Variants in LOXHD1 observed in about 807,000 individuals in gnomAD.
LOXHD1 encodes lipoxygenase homology domain-containing protein 1.
In LOXHD1, 205 loss-of-function variants were observed where a neutral mutation model predicts 248.2. The ratio of observed to expected loss-of-function variants is 0.83; its 90% CI spans 0.74 to 0.93. The LOEUF (loss-of-function observed/expected upper bound fraction) is 0.93, where lower values mean the gene tolerates loss of function less well. LOXHD1 is among the 40% of genes least tolerant of loss of function. The probability of loss-of-function intolerance (pLI) is 0.00; values close to 1 mark genes in which losing one functional copy is unlikely to be tolerated. For missense variants in LOXHD1, 2,930 were observed against 2,971.6 expected (o/e 0.99, Z 0.33); for synonymous variants, 1,113 against 1,162.8 (o/e 0.96, Z 0.87).
chr18:46,482,070 G>C (rs1427927286), intron 40 of LOXHD1, among the ~76,000 whole-genome samples: 1 of 152,142 alleles, frequency 6.6e-6, no homozygotes, highest in Non-Finnish European at 1.5e-5. Context: ...CACTTTTCTG[G>C]GATAGTCTCC....
intron 38 of LOXHD1, 115 bp from the exon 39 acceptor site, chr18:46,485,266 G>A (rs1192593493): frequency 2.6e-5 from 32 of 1,224,128 alleles, no homozygotes; most frequent in Non-Finnish European, 3.5e-5. Flanking sequence ...CTGCAGCCTG[G>A]GGGTGGGGGA....
intron 5 of LOXHD1, among the ~76,000 whole-genome samples, chr18:46,612,983 C>A (rs1462701172): frequency 2.0e-5 from 3 of 151,940 alleles, no homozygotes; most frequent in Non-Finnish European, 2.9e-5. Flanking sequence ...TTTTAGAGAC[C>A]TAAAATGTCT....
chr18:46,526,921 G>T (rs1034468155), intron 29 of LOXHD1, among the ~76,000 whole-genome samples: 4 of 152,158 alleles, frequency 2.6e-5, no homozygotes, highest in African/African-American at 9.7e-5. Flanking sequence ...AGGGAGAGGG[G>T]TGTCCAAGAT....
At chr18:46,611,415 CAAG>C (rs1212463748) in intron 5 of LOXHD1, among the ~76,000 whole-genome samples, 1 of 152,144 alleles carries the variant, frequency 6.6e-6, no homozygotes, top group Admixed American at 6.5e-5. Flanking sequence ...CACCACAATT[CAAG>C]AAGGAGATAT....
chr18:46,489,408 A>C (rs1223827290), intron 37 of LOXHD1, among the ~76,000 whole-genome samples: 2 of 152,204 alleles, frequency 1.3e-5, no homozygotes, highest in Non-Finnish European at 2.9e-5. Context: ...TAAGCAGTCC[A>C]TGACCCCAAG....
At chr18:46,483,505 T>C (rs762825434) in intron 40 of LOXHD1, 82 bp downstream of exon 40, 6 of 1,502,062 alleles carry the variant, frequency 4.0e-6, no homozygotes, top group Admixed American at 3.9e-5. Flanking sequence ...CATCATACCC[T>C]GCTCTCTTGC....
chr18:46,529,243 G>C lies in LOXHD1; in HGVS notation c.4464C>G (p.Leu1488=). 1.3e-6 allele frequency: 2 copies of C among 1,551,632 alleles called. No homozygotes were observed. Among genetic ancestry groups the C allele is most frequent in the South Asian group, 1.2e-5 (1 of 84,050 alleles). ...CAAGGTATCGCTCCCCAGTGTCCCC[G>C]AGGTCTCCATAGATGGTGATGTACA... is the stretch of plus-strand genomic sequence containing the variant. The part of the protein sequence containing the change: ...AKVYITIYGD[L]GDTGERYLGK... The change falls in exon 29 of 41, where the codon CTC becomes CTG. Residue 1488 remains leucine (L), a synonymous_variant. Transcript: ENST00000642948.
intron 38 of LOXHD1, among the ~76,000 whole-genome samples, chr18:46,486,562 T>C (rs1438366033): frequency 6.6e-6 from 1 of 152,142 alleles, no homozygotes; most frequent in Non-Finnish European, 1.5e-5. Context: ...CCCAAAGCCA[T>C]CCCAGCAAGG....
chr18:46,648,203 A>G (rs2039057008), intron 2 of LOXHD1, among the ~76,000 whole-genome samples: 1 of 152,180 alleles, frequency 6.6e-6, no homozygotes, highest in Non-Finnish European at 1.5e-5. Flanking sequence ...GGTTGCAGTC[A>G]GTTGAGATTG....
intron 23 of LOXHD1, chr18:46,544,952 C>T (rs1568165337): frequency 4.2e-6 from 2 of 480,336 alleles, no homozygotes; most frequent in Admixed American, 2.3e-5. Context: ...GGACCCAACA[C>T]TAAACACCAC....
intron 1 of LOXHD1, among the ~76,000 whole-genome samples, chr18:46,653,050 C>G (rs1031864541): frequency 3.3e-5 from 5 of 152,156 alleles, no homozygotes; most frequent in African/African-American, 9.7e-5. Context: ...AGTTCAAGAC[C>G]AGGCTGACCA....
At chr18:46,545,543 A>G (rs1304651628) in intron 22 of LOXHD1, 122 bp from the exon 23 acceptor site, 5 of 702,468 alleles carry the variant, frequency 7.1e-6, no homozygotes, top group Non-Finnish European at 1.3e-5. Context: ...CCATCACTCC[A>G]ATTTTTCTCT....
At chr18:46,593,509 A>G (rs1371094110) in intron 10 of LOXHD1, 91 bp downstream of exon 10, 2 of 1,451,030 alleles carry the variant, frequency 1.4e-6, no homozygotes, top group Non-Finnish European at 1.9e-6. Flanking sequence ...AACTTGGTCC[A>G]AAACCTGGCT....
Position 46,560,335 on chromosome 18 carries a change from G to A in LOXHD1, c.2809C>T (p.Gln937Ter). 1 of 1,551,884 alleles carries A rather than the reference G, an allele frequency of 6.4e-7. No homozygotes were observed. The highest frequency in any genetic ancestry group is 8.7e-7 in the Non-Finnish European group (1 of 1,147,270). Reference sequence around the variant, plus strand: ...CCCTTCCTCTTCTTCTTCTTCCTCTGCAGCTTGGCCTTCAGCCGCTCCTTC... The same window carrying A: ...CCCTTCCTCTTCTTCTTCTTCCTCTACAGCTTGGCCTTCAGCCGCTCCTTC... ...LKKERLKAKLQRKKKKRKGSD... is the reference protein window; with the variant it reads ...LKKERLKAKL Residue 937 changes from glutamine to a stop codon, truncating the protein, a stop_gained, in exon 19 of 41, where the codon CAG becomes TAG. Transcript: ENST00000642948. LOFTEE classifies it high-confidence loss of function.
chr18:46,483,883 T>C, intron 39 of LOXHD1, 138 bp from the exon 40 acceptor site: 1 of 1,031,732 alleles, frequency 9.7e-7, no homozygotes, highest in South Asian at 1.6e-5. Context: ...ATGGCAGTCC[T>C]GGAGGCTTTG....
intron 38 of LOXHD1, among the ~76,000 whole-genome samples, chr18:46,486,145 G>A (rs1275556824): frequency 6.6e-6 from 1 of 151,998 alleles, no homozygotes; most frequent in Non-Finnish European, 1.5e-5. Context: ...CACTCCCCAG[G>A]GACCAGACCA....
At position 46,577,876 on chromosome 18, in the gene LOXHD1, G is replaced by A. The variant is rs2144135234; in HGVS notation, c.1810-9C>T. On this transcript the variant is annotated splice_polypyrimidine_tract_variant and intron_variant, in intron 13 of 40. Transcript: ENST00000642948. ...ATAGTGAACTCGTCAGCCTTGTGGG[G>A]GGAAACCACAAGGCCAGTTAGACAG... is the stretch of plus-strand genomic sequence containing the variant. The A allele has an allele frequency of 6.4e-7, 1 of 1,551,442 alleles. No homozygotes were observed. The highest frequency in any genetic ancestry group is 8.7e-7 in the Non-Finnish European group (1 of 1,146,894).
At position 46,513,321 on chromosome 18, in the gene LOXHD1, A is replaced by G. The variant is rs184940652; in HGVS notation, c.5400-3506T>C. Among the ~76,000 whole-genome samples the G allele has an allele frequency of 1.2e-4, 18 of 152,344 alleles. 1 individual carries two copies. Among genetic ancestry groups the G allele is most frequent in the Admixed American group, 3.9e-4 (6 of 15,298 alleles). ...TGTAGCCCCTGTGGTAGGCTGAAAAATGGTCCCCCAAAAGATATCCGTGTT... is the reference window on the plus strand; with the variant it reads ...TGTAGCCCCTGTGGTAGGCTGAAAAGTGGTCCCCCAAAAGATATCCGTGTT... On this transcript the variant is annotated intron_variant, in intron 34 of 40. Transcript: ENST00000642948.
At chr18:46,573,303 G>A (rs887958802) in intron 14 of LOXHD1, among the ~76,000 whole-genome samples, 17 of 152,260 alleles carry the variant, frequency 1.1e-4, no homozygotes, top group Admixed American at 3.9e-4. Flanking sequence ...AAGGTATGGG[G>A]CAATTTACCT....
Sources: gnomAD v4.1 joint callset for allele counts (sites outside exome capture counted in the v4.1 genomes callset) on GRCh38, gnomAD v4.1.1 for gene constraint, MANE v1.5 for transcripts, NCBI Gene and HGNC (gene_info 2026-07-23, HGNC 2026-07-21) for gene names.